Variants in SMARCA4 observed in about 807,000 individuals in gnomAD.
SMARCA4 encodes the protein SWI/SNF-related matrix-associated actin-dependent regulator of chromatin subfamily A member 4.
In SMARCA4, 31 loss-of-function variants were observed where a neutral mutation model predicts 193.9. The ratio of observed to expected loss-of-function variants is 0.16; its 90% CI spans 0.12 to 0.22. The LOEUF is 0.22. Ranked by LOEUF, SMARCA4 falls within the 10% of genes least tolerant of loss-of-function variation. SMARCA4 has a pLI of 1.00. For synonymous variants in SMARCA4, 942 were observed against 933.1 expected (o/e 1.01, Z -0.17); for missense variants, 1,148 against 2,296.0 (o/e 0.50, Z 10.22).
chr19:11,009,905 T>C (rs2088653360), intron 14 of SMARCA4, among the ~76,000 whole-genome samples: 1 of 152,084 alleles, frequency 6.6e-6, no homozygotes, highest in South Asian at 2.1e-4. Flanking sequence ...GCCAGGCTGG[T>C]CTAGAATTCC....
At chr19:11,008,051 G>A (rs1345385944) in intron 14 of SMARCA4, 28 bp downstream of exon 14, 22 of 1,608,286 alleles carry the variant, frequency 1.4e-5, no homozygotes, top group Non-Finnish European at 1.8e-5. Flanking sequence ...AGGTTGTTCT[G>A]TGCCAGCTTC....
At position 11,058,896 on chromosome 19, in the gene SMARCA4, GCAC is replaced by G; in HGVS notation, c.4635+9_4635+11del. The G allele has an allele frequency of 6.2e-7, 1 of 1,610,902 alleles. No individual in the cohort carries two copies. The highest frequency in any genetic ancestry group is 8.5e-7 in the Non-Finnish European group (1 of 1,177,352). On this transcript the variant is annotated splice_region_variant and intron_variant, in intron 32 of 34. Transcript: ENST00000344626. This position sits in a 1 kb window ranked among gnomAD's most constrained non-coding sequence, Gnocchi z 5.8. Reference sequence around the variant, plus strand: ...CAACCTGGAGGGCTCCCTGGTGAGGGCACCGCTGGGGGTTGGGGATGGGCCACT... The same window carrying G: ...CAACCTGGAGGGCTCCCTGGTGAGGGCGCTGGGGGTTGGGGATGGGCCACT...
chr19:11,009,007 CTTTTTTTTTTTTTT>C (rs762148337), intron 14 of SMARCA4, among the ~76,000 whole-genome samples: 551 of 40,960 alleles, frequency 0.013, 3 homozygotes, highest in Middle Eastern at 0.083. Context: ...ATAAAAGTCA[CTTTTTTTTTTTTTT>C]TTTTTTTTTT....
intron 29 of SMARCA4, among the ~76,000 whole-genome samples, chr19:11,037,437 C>G (rs34622780): frequency 0.38 from 57,486 of 151,990 alleles, 11,183 homozygotes; most frequent in East Asian, 0.57. Context: ...TCATATGCTT[C>G]TTGGCCCTTT....
In SMARCA4 at chr19:11,019,353, TCCCTCAGGC is replaced by T. The variant is rs2089653267; in HGVS notation, c.2506-234_2506-226del. 1.7e-6 allele frequency: 1 copy of T among 605,810 alleles called. No individual in the cohort carries two copies. The highest frequency in any genetic ancestry group is 2.9e-6 in the Non-Finnish European group (1 of 339,680). The allele number at this position is 605,810 out of a possible 1,614,324, so 37.5% of individuals were successfully genotyped here. On this transcript the variant is annotated intron_variant, in intron 17 of 34. Coordinates refer to ENST00000344626, the MANE Select transcript of SMARCA4 (RefSeq NM_003072.5). This position sits in a 1 kb window ranked among gnomAD's most constrained non-coding sequence, Gnocchi z 6.1. ...CAGATGGCGGTGCAGGCTGCGTGGT[TCCCTCAGGC>T]CCCGGCCGCCGCTGGCCTGCACTGC...
chr19:11,002,266 T>G (rs891358332), intron 11 of SMARCA4, among the ~76,000 whole-genome samples: 12 of 151,024 alleles, frequency 7.9e-5, no homozygotes, highest in African/African-American at 2.9e-4. Flanking sequence ...GATCACGAGG[T>G]CAGGAGATCG....
At chr19:10,963,853 C>T (rs2084005776) in intron 1 of SMARCA4, among the ~76,000 whole-genome samples, 1 of 150,678 alleles carries the variant, frequency 6.6e-6, no homozygotes. Flanking sequence ...CCTTGAGAGG[C>T]TGGGGCAGGA....
intron 6 of SMARCA4, among the ~76,000 whole-genome samples, 165 bp from the exon 7 acceptor site, chr19:10,989,152 A>G (rs1013768184): frequency 2.6e-5 from 4 of 152,144 alleles, no homozygotes; most frequent in African/African-American, 4.8e-5. Flanking sequence ...GCCCCGGGCT[A>G]TCTCCCTCTC....
At chr19:10,988,256 G>A (rs532237490) in intron 6 of SMARCA4, among the ~76,000 whole-genome samples, 8 of 152,246 alleles carry the variant, frequency 5.3e-5, no homozygotes, top group Non-Finnish European at 1.2e-4. Flanking sequence ...GAGTAGCTGG[G>A]ATTATAGGCA....
rs770115402 is a variant in SMARCA4, at chr19:11,007,935, C to G, written c.2035C>G (p.Pro679Ala). Residue 679 changes from proline (P) to alanine (A), a missense_variant, in exon 14 of 35, where the codon CCT becomes GCT. Pro to Ala is a conservative substitution (Grantham distance 27). Around this residue, in one of 17 missense-constraint regions of SMARCA4, gnomAD observed 115 missense variants for 175.1 expected, o/e 0.66. Transcript: ENST00000344626. ...EEEEQPQAAQPPTLPVEEKKK... is the reference protein window; with the variant it reads ...EEEEQPQAAQAPTLPVEEKKK... ...GGAAGAGCAGCCGCAGGCAGCACAG[C>G]CTCCCACCCTGCCCGTGGAGGAGAA... 1 of 1,613,656 alleles carries G rather than the reference C, an allele frequency of 6.2e-7. No individual in the cohort carries two copies. The highest frequency in any genetic ancestry group is 1.1e-5 in the South Asian group (1 of 91,062).
rs144666906 is a variant in SMARCA4 at position 10,962,325 on chromosome 19, CCTA to C, written c.-32+1155_-32+1157del. On this transcript the variant is annotated intron_variant, in intron 1 of 34. Coordinates refer to ENST00000344626, the MANE Select transcript of SMARCA4 (RefSeq NM_003072.5). ...TGTTCAGCAGATAACTTCTTGAGGC[CCTA>C]CTAAGTGTTGGATGGTCGGGGGTTG... Among the ~76,000 whole-genome samples, 1,215 of 152,158 alleles carry C rather than the reference CCTA, an allele frequency of 8.0e-3. 38 individuals carry two copies. The highest frequency in any genetic ancestry group is 0.058 in the Admixed American group (880 of 15,244).
At position 11,058,478 on chromosome 19, in the gene SMARCA4, G is replaced by A. The variant is rs958279281; in HGVS notation, c.4533+115G>A. The A allele has an allele frequency of 3.9e-5, 31 of 791,302 alleles. No individual in the cohort carries two copies. The highest frequency in any genetic ancestry group is 1.8e-4 in the Admixed American group (9 of 50,382). 49.0% of individuals were successfully genotyped at this position (791,302 alleles called of 1,614,324 possible). A position where few individuals can be genotyped will look rare whatever the true frequency, so the allele number is the denominator to read the frequency against. On this transcript the variant is annotated intron_variant, in intron 31 of 34. Transcript: ENST00000344626. The surrounding 1 kb of genome is among the most constrained non-coding windows in gnomAD (Gnocchi z 5.8). Reference sequence around the variant, plus strand: ...CAGAATGACCAGAAACCACCTAGGCGGTGCCTTGGGCTACCTGGTTAGGGA... The same window carrying A: ...CAGAATGACCAGAAACCACCTAGGCAGTGCCTTGGGCTACCTGGTTAGGGA...
intron 30 of SMARCA4, among the ~76,000 whole-genome samples, chr19:11,057,718 ACT>A (rs1407162182): frequency 2.0e-5 from 3 of 151,148 alleles, no homozygotes; most frequent in Admixed American, 6.6e-5. Context: ...ACAGAACAAG[ACT>A]CTGTCTCAAA....
rs368896608 is a variant in SMARCA4 at position 10,990,570 on chromosome 19, G to A, written c.1246-580G>A. Among the ~76,000 whole-genome samples, 260 of 150,930 alleles carry A rather than the reference G, an allele frequency of 1.7e-3. 1 individual carries two copies. The highest frequency in any genetic ancestry group is 6.8e-3 in the Middle Eastern group (2 of 294). On this transcript the variant is annotated intron_variant, in intron 7 of 34. Coordinates refer to ENST00000344626, the MANE Select transcript of SMARCA4 (RefSeq NM_003072.5). ...TGGGATTACAGGCATGAGCCACCACGCAGGCCTGGTTTTTGTATTTTTAAT... is the reference window on the plus strand; with the variant it reads ...TGGGATTACAGGCATGAGCCACCACACAGGCCTGGTTTTTGTATTTTTAAT...
At chr19:10,968,960 C>G (rs1368557596) in intron 1 of SMARCA4, among the ~76,000 whole-genome samples, 1 of 152,180 alleles carries the variant, frequency 6.6e-6, no homozygotes, top group Non-Finnish European at 1.5e-5. Context: ...GGGAGTGGCT[C>G]TTTACTTGCC....
At chr19:10,975,242 C>T (rs2085036205) in intron 1 of SMARCA4, among the ~76,000 whole-genome samples, 1 of 150,910 alleles carries the variant, frequency 6.6e-6, no homozygotes, top group Non-Finnish European at 1.5e-5. Flanking sequence ...GTCCCGAACT[C>T]TTGGCCTCAG....
chr19:10,970,901 A>G (rs532723868), intron 1 of SMARCA4, among the ~76,000 whole-genome samples: 2 of 152,318 alleles, frequency 1.3e-5, no homozygotes, highest in South Asian at 4.1e-4. Context: ...GTGAGAGTGT[A>G]GAGAAACGGA....
chr19:10,986,297 A>G lies in SMARCA4; in HGVS notation c.464A>G (p.Asp155Gly), dbSNP rs2145774789. Residue 155 changes from aspartate to glycine, a missense_variant, in exon 4 of 35, where the codon GAT (aspartate) becomes GGT (glycine). Asp to Gly is a moderately conservative substitution (Grantham distance 94). This residue lies in a region of SMARCA4 where 201 missense variants were observed against 248.3 expected (regional missense o/e 0.81). Coordinates refer to ENST00000344626, the MANE Select transcript of SMARCA4 (RefSeq NM_003072.5). The surrounding 1 kb of genome is among the most constrained non-coding windows in gnomAD (Gnocchi z 6.7). ...TCCGGGCCAGGAGGTGCCCCGCTGG[A>G]TGGTGCTGACCCCCAGGCCTTGGGG... is the stretch of plus-strand genomic sequence containing the variant. ...MSSGPGGAPL[D>G]GADPQALGQQ... 1 of 1,613,650 alleles carries G rather than the reference A, an allele frequency of 6.2e-7. No individual in the cohort carries two copies.
chr19:11,024,527 G>A (rs1339426353), intron 21 of SMARCA4, 89 bp downstream of exon 21: 7 of 834,826 alleles, frequency 8.4e-6, no homozygotes, highest in South Asian at 4.1e-5. Flanking sequence ...TCTGACCATC[G>A]GGTCATGATC....
Sources: allele counts gnomAD v4.1 joint callset (sites outside exome capture counted in the v4.1 genomes callset), GRCh38; gene constraint gnomAD v4.1.1; regional missense constraint gnomAD v4.1.1; non-coding constraint Gnocchi (gnomAD v3.1); transcripts MANE v1.5; gene names NCBI Gene and HGNC (gene_info 2026-07-23, HGNC 2026-07-21).